Variants in LAMP1 observed in about 807,000 individuals in gnomAD.
The protein encoded by LAMP1 is lysosome-associated membrane glycoprotein 1.
In LAMP1, 7 loss-of-function variants were observed where a neutral mutation model predicts 37.5. The ratio of observed to expected loss-of-function variants is 0.19; its 90% CI spans 0.11 to 0.35. The LOEUF (loss-of-function observed/expected upper bound fraction) is 0.35. Among genes scored for constraint, LAMP1 ranks in the 10% least tolerant of loss-of-function variants. The pLI is 1.00. For synonymous variants in LAMP1, 236 were observed against 229.1 expected (o/e 1.03, Z -0.27); for missense variants, 537 against 552.8 (o/e 0.97, Z 0.29).
In LAMP1 at chr13:113,320,707, G is replaced by T. The variant is rs2042693334; in HGVS notation, c.876+237G>T. 1.3e-5 allele frequency: 7 copies of T among 528,218 alleles called. No individual in the cohort carries two copies. The highest frequency in any genetic ancestry group is 5.2e-4 in the Middle Eastern group (1 of 1,938). The allele number at this position is 528,218 out of a possible 1,614,324, so 32.7% of individuals were successfully genotyped here. A position where few individuals can be genotyped will look rare whatever the true frequency, so the allele number is the denominator to read the frequency against. On this transcript the variant is annotated intron_variant, in intron 6 of 8. Coordinates refer to ENST00000332556, the MANE Select transcript of LAMP1 (RefSeq NM_005561.4). This position sits in a 1 kb window ranked among gnomAD's most constrained non-coding sequence, Gnocchi z 4.4. The stretch of plus-strand genomic sequence containing the variant: ...TGTGCCCACAGTTGGAGTGGCTGCA[G>T]GGGAGGGCATGCAGGCCGTGCGGCC...
Position 113,320,377 on chromosome 13 carries a change from C to T in LAMP1, c.783C>T (p.Asn261=), listed in dbSNP as rs749315723. Residue 261 remains asparagine, a synonymous_variant, in exon 6 of 9, where the codon AAC becomes AAT. Transcript: ENST00000332556. This position sits in a 1 kb window ranked among gnomAD's most constrained non-coding sequence, Gnocchi z 4.4. ...CAAGGCTTCTCAACATCAACCCCAA[C>T]AAGACCTCGGCCAGCGGGAGCTGCG... ...TVTRLLNINP[N]KTSASGSCGA... is the part of the protein sequence containing the mutation. 6.2e-7 allele frequency: 1 copy of T among 1,613,996 alleles called. No individual in the cohort carries two copies. The highest frequency in any genetic ancestry group is 8.5e-7 in the Non-Finnish European group (1 of 1,180,038).
chr13:113,319,101 G>A (rs2042682830), intron 4 of LAMP1, among the ~76,000 whole-genome samples: 1 of 152,222 alleles, frequency 6.6e-6, no homozygotes, highest in Non-Finnish European at 1.5e-5. Context: ...ACTCCTTCGT[G>A]ACAGCGTTCA....
At position 113,298,969 on chromosome 13, in the gene LAMP1, G is replaced by A. The variant is rs910694226; in HGVS notation, c.61+1474G>A. Among the ~76,000 whole-genome samples, 3 of 152,206 alleles carry A rather than the reference G, an allele frequency of 2.0e-5. No individual in the cohort carries two copies. The South Asian group carries it at 6.2e-4, about 32-fold the overall frequency. On this transcript the variant is annotated intron_variant, in intron 1 of 8. Transcript: ENST00000332556. ...CAGCCTGGCCAATATGGCGAAACCCGGTCTCTACAAAAATACAAAAATTAG... is the reference window on the plus strand; with the variant it reads ...CAGCCTGGCCAATATGGCGAAACCCAGTCTCTACAAAAATACAAAAATTAG...
At chr13:113,308,205 G>A (rs1160629052) in intron 2 of LAMP1, among the ~76,000 whole-genome samples, 2 of 151,734 alleles carry the variant, frequency 1.3e-5, no homozygotes, top group South Asian at 2.1e-4. Flanking sequence ...TAGTAGAGAC[G>A]GGGTTTTGCT....
chr13:113,314,380 G>A lies in LAMP1; in HGVS notation c.562+3513G>A, dbSNP rs1472501384. ...GCGGGGCCTCCTGGAGGGAACCAGC[G>A]TGGAGATGCCCATGTGCCTGGGGCG... is the stretch of plus-strand genomic sequence containing the variant. On this transcript the variant is annotated intron_variant, in intron 4 of 8. Transcript: ENST00000332556. Among the ~76,000 whole-genome samples, 40 of 124,328 alleles carry A rather than the reference G, an allele frequency of 3.2e-4. 1 individual carries two copies. The highest frequency in any genetic ancestry group is 1.6e-4 in the African/African-American group (4 of 24,550). The allele number at this position is 124,328 out of a possible 152,430, so 81.6% of individuals were successfully genotyped here. A position where few individuals can be genotyped will look rare whatever the true frequency, so the allele number is the denominator to read the frequency against.
At chr13:113,305,041 G>A (rs1414674737) in intron 1 of LAMP1, 7 of 152,198 alleles carry the variant, frequency 4.6e-5, no homozygotes, top group Non-Finnish European at 5.9e-5. Flanking sequence ...TATATGCTTC[G>A]CTTTAGGCTT....
rs1288109735 is a variant in LAMP1 at position 113,309,678 on chromosome 13, G to A, written c.219G>A (p.Val73=). ...TTGACCTGCCATCAGATGCCACAGT[G>A]GTGCTCAACCGCAGCTCCTGTGGAA... ...MTFDLPSDAT[V]VLNRSSCGKE... The change falls in exon 3 of 9, where the codon GTG becomes GTA. Residue 73 remains valine, a synonymous_variant. Transcript: ENST00000332556. 1.9e-6 allele frequency: 3 copies of A among 1,614,064 alleles called. No individual in the cohort carries two copies. In the Admixed American group the frequency reaches 5.0e-5, roughly 27 times the overall value.
At position 113,319,522 on chromosome 13, in the gene LAMP1, C is replaced by T; in HGVS notation, c.616C>T (p.Pro206Ser). The T allele has an allele frequency of 1.2e-6, 2 of 1,614,030 alleles. No individual in the cohort carries two copies. Among genetic ancestry groups the T allele is most frequent in the South Asian group, 2.2e-5 (2 of 91,080 alleles). ...CCCAACCACAGCGCCCCCTGCGCCA[C>T]CCAGCCCCTCGCCCTCACCCGTGCC... ...PSPTTAPPAP[P>S]SPSPSPVPKS... is the part of the protein sequence containing the mutation. Residue 206 changes from proline to serine, a missense_variant, in exon 5 of 9, where the codon CCC becomes TCC. By Grantham distance (74) the Pro-to-Ser change is moderately conservative. Coordinates refer to ENST00000332556, the MANE Select transcript of LAMP1 (RefSeq NM_005561.4).
Position 113,320,558 on chromosome 13 carries a change from G to A in LAMP1, c.876+88G>A, listed in dbSNP as rs190665839. The stretch of plus-strand genomic sequence containing the variant: ...CCTGGGTCTGCTCATGGGAGGCAGC[G>A]TTAGGAAGGAGGCGGCCTCACTTTT... On this transcript the variant is annotated intron_variant, in intron 6 of 8. Coordinates refer to ENST00000332556, the MANE Select transcript of LAMP1 (RefSeq NM_005561.4). The surrounding 1 kb of genome is among the most constrained non-coding windows in gnomAD (Gnocchi z 4.4). The A allele has an allele frequency of 7.2e-3, 10,364 of 1,444,862 alleles. 65 individuals carry two copies. Among genetic ancestry groups the A allele is most frequent in the Non-Finnish European group, 7.9e-3 (8,418 of 1,067,186 alleles). The allele number at this position is 1,444,862 out of a possible 1,614,324, so 89.5% of individuals were successfully genotyped here. A position where few individuals can be genotyped will look rare whatever the true frequency, so the allele number is the denominator to read the frequency against.
chr13:113,309,957 G>GAGCCACCACACCCA, intron 3 of LAMP1, 95 bp downstream of exon 3: 3 of 984,442 alleles, frequency 3.0e-6, no homozygotes, highest in Non-Finnish European at 4.7e-6. Flanking sequence ...GGCTGGGTGT[G>GAGCCACCACACCCA]GTGGCTCACA....
intron 1 of LAMP1, 147 bp from the exon 2 acceptor site, chr13:113,306,338 A>G: frequency 1.2e-6 from 1 of 858,774 alleles, no homozygotes; most frequent in Non-Finnish European, 1.7e-6. Context: ...GCCTGGCGAC[A>G]GTGAGACTCC....
At chr13:113,304,263 C>T (rs1420701016) in intron 1 of LAMP1, among the ~76,000 whole-genome samples, 1 of 152,190 alleles carries the variant, frequency 6.6e-6, no homozygotes, top group Non-Finnish European at 1.5e-5. Flanking sequence ...TCCGGGTTGT[C>T]AGTGGTGACT....
chr13:113,319,678 G>T (rs1172741670), intron 5 of LAMP1, 22 bp downstream of exon 5: 1 of 1,601,978 alleles, frequency 6.2e-7, no homozygotes, highest in African/African-American at 1.3e-5. Flanking sequence ...GCCTCACCTG[G>T]GAGAGGGGGA....
intron 1 of LAMP1, among the ~76,000 whole-genome samples, chr13:113,299,505 C>T (rs376887564): frequency 6.6e-6 from 1 of 151,642 alleles, no homozygotes; most frequent in Non-Finnish European, 1.5e-5. Context: ...CCTCGTGATC[C>T]GCCTCCCTCT....
chr13:113,298,810 A>G (rs2042555892), intron 1 of LAMP1, among the ~76,000 whole-genome samples: 1 of 152,200 alleles, frequency 6.6e-6, no homozygotes, highest in Non-Finnish European at 1.5e-5. Context: ...ACAGATGCTC[A>G]CAAGCCTCAT....
At chr13:113,318,878 G>A (rs1354637419) in intron 4 of LAMP1, among the ~76,000 whole-genome samples, 1 of 152,220 alleles carries the variant, frequency 6.6e-6, no homozygotes, top group African/African-American at 2.4e-5. Flanking sequence ...TCCTCATGGA[G>A]ACTGCCTGAC....
intron 1 of LAMP1, among the ~76,000 whole-genome samples, chr13:113,300,944 A>C (rs774458658): frequency 1.3e-5 from 2 of 152,168 alleles, no homozygotes; most frequent in Non-Finnish European, 2.9e-5. Context: ...TAGCCCTGTA[A>C]TTTTGAATTT....
chr13:113,320,501 GC>G lies in LAMP1; in HGVS notation c.876+34del, dbSNP rs2042692443. On this transcript the variant is annotated intron_variant, in intron 6 of 8. Coordinates refer to ENST00000332556, the MANE Select transcript of LAMP1 (RefSeq NM_005561.4). The surrounding 1 kb of genome is among the most constrained non-coding windows in gnomAD (Gnocchi z 4.4). ...GCTGGGGCGGCACCTCTCTGGGGGC[GC>G]CCACTGTGTCTCCACCACATCTTTT... 1 of 1,596,744 alleles carries G rather than the reference GC, an allele frequency of 6.3e-7. No individual in the cohort carries two copies. The highest frequency in any genetic ancestry group is 1.3e-5 in the African/African-American group (1 of 74,754).
Position 113,319,492 on chromosome 13 carries a change from C to T in LAMP1, c.586C>T (p.Pro196Ser), listed in dbSNP as rs1336868934. ...AGAGACACGCTGTGAACAAGACAGG[C>T]CTTCCCCAACCACAGCGCCCCCTGC... is the stretch of plus-strand genomic sequence containing the variant. ...RGETRCEQDR[P>S]SPTTAPPAPP... Residue 196 changes from proline (P) to serine (S), a missense_variant, in exon 5 of 9, where the codon CCT (proline) becomes TCT (serine). Coordinates refer to ENST00000332556, the MANE Select transcript of LAMP1 (RefSeq NM_005561.4). 3 of 1,613,130 alleles carry T rather than the reference C, an allele frequency of 1.9e-6. No homozygotes were observed. The highest frequency in any genetic ancestry group is 2.5e-6 in the Non-Finnish European group (3 of 1,179,524).
Sources: gnomAD v4.1 joint callset for allele counts (sites outside exome capture counted in the v4.1 genomes callset) on GRCh38, gnomAD v4.1.1 for gene constraint, Gnocchi (gnomAD v3.1) non-coding constraint, MANE v1.5 for transcripts, NCBI Gene and HGNC (gene_info 2026-07-23, HGNC 2026-07-21) for gene names.